Variants in APPL2 observed in about 807,000 individuals in gnomAD.
The protein encoded by APPL2 is DCC-interacting protein 13-beta.
Under a neutral mutation model 92.7 loss-of-function variants are expected in APPL2, and 84 were observed. The observed-to-expected ratio is 0.91, with a 90% confidence interval of 0.76 to 1.09. The LOEUF (loss-of-function observed/expected upper bound fraction) is 1.09. APPL2 is among the 50% of genes least tolerant of loss of function. The probability of loss-of-function intolerance (pLI) is 0.00; values close to 1 mark genes in which losing one functional copy is unlikely to be tolerated. For synonymous variants in APPL2, 291 were observed against 291.0 expected, an observed-to-expected ratio of 1.00 and a Z score of 0.00; for missense variants, 736 against 824.5, an observed-to-expected ratio of 0.89 and a Z score of 1.31.
intron 4 of APPL2, among the ~76,000 whole-genome samples, chr12:105,212,118 CAAAAAAAAAAAAA>C (rs5800657): frequency 1.4e-5 from 1 of 72,392 alleles, no homozygotes; most frequent in African/African-American, 5.6e-5. Context: ...GACTCCATCT[CAAAAAAAAAAAAA>C]AAAAAAAAGA....
intron 17 of APPL2, among the ~76,000 whole-genome samples, chr12:105,184,160 A>G (rs1886381893): frequency 6.6e-6 from 1 of 152,176 alleles, no homozygotes; most frequent in African/African-American, 2.4e-5. Context: ...CAGTTCCTAT[A>G]ACCTTTTATC....
At position 105,222,986 on chromosome 12, in the gene APPL2, T is replaced by C. The variant is rs1236067133; in HGVS notation, c.154-5261A>G. ...AGTGGCAGAGCAAGAGTGGAGGGTG[T>C]GCAAAAGGTCTGGCATGTTCTGGGA... On this transcript the variant is annotated intron_variant, in intron 2 of 20. Coordinates refer to ENST00000258530, the MANE Select transcript of APPL2 (RefSeq NM_018171.5). Among the ~76,000 whole-genome samples the C allele has an allele frequency of 2.0e-5, 3 of 152,108 alleles. No individual in the cohort carries two copies. In the South Asian group the frequency reaches 6.2e-4, roughly 32 times the overall value.
chr12:105,178,213 C>T (rs1350190177), intron 17 of APPL2, among the ~76,000 whole-genome samples: 1 of 152,068 alleles, frequency 6.6e-6, no homozygotes, highest in Non-Finnish European at 1.5e-5. Flanking sequence ...TAAATTTCTA[C>T]TGTATTGTAC....
chr12:105,205,507 G>C (rs1888623268), intron 8 of APPL2, among the ~76,000 whole-genome samples: 1 of 152,174 alleles, frequency 6.6e-6, no homozygotes, highest in African/African-American at 2.4e-5. Flanking sequence ...CAGTGAGGTA[G>C]TCCTTGGCCA....
Position 105,195,616 on chromosome 12 carries a change from AG to A in APPL2, c.1063del (p.Leu355SerfsTer16). ...ATTTTCCTTTCTGCTCTCAGCCTGG[AG>A]GATTATTCCCCTGAAACAAAAGTGT... ...TTPNGKSGII[L>X]QAESRKENEE... On this transcript the variant is annotated frameshift_variant, in exon 12 of 21. Transcript: ENST00000258530. LOFTEE classifies it high-confidence loss of function. 6.2e-7 allele frequency: 1 copy of A among 1,614,198 alleles called. No individual in the cohort carries two copies. The highest frequency in any genetic ancestry group is 8.5e-7 in the Non-Finnish European group (1 of 1,180,038).
rs745577754 is a variant in APPL2 at position 105,177,217 on chromosome 12, G to A, written c.1671+9C>T. On this transcript the variant is annotated intron_variant, in intron 18 of 20. Transcript: ENST00000258530. ...TAATCACTAACATGAACCTGTATGC[G>A]GTACTTACATTGGCCCTTGATACTT... 1.2e-5 allele frequency: 20 copies of A among 1,613,470 alleles called. No individual in the cohort carries two copies. Among genetic ancestry groups the A allele is most frequent in the South Asian group, 5.5e-5 (5 of 91,056 alleles).
At chr12:105,232,058 T>C (rs1262533869) in intron 1 of APPL2, among the ~76,000 whole-genome samples, 1 of 152,180 alleles carries the variant, frequency 6.6e-6, no homozygotes, top group Non-Finnish European at 1.5e-5. Context: ...ACAGCAATCA[T>C]TTATGGGGTT....
chr12:105,174,625 C>G (rs1317423203), intron 20 of APPL2, among the ~76,000 whole-genome samples, 177 bp from the exon 21 acceptor site: 1 of 152,180 alleles, frequency 6.6e-6, no homozygotes, highest in Non-Finnish European at 1.5e-5. Flanking sequence ...CTTCTAGAAT[C>G]TAGACTGTTT....
chr12:105,188,175 C>T (rs974721303), intron 17 of APPL2, 98 bp downstream of exon 17: 3 of 1,352,648 alleles, frequency 2.2e-6, no homozygotes, highest in Admixed American at 4.1e-5. Flanking sequence ...CAAGAGTAGT[C>T]TCTTCATTCC....
intron 9 of APPL2, among the ~76,000 whole-genome samples, chr12:105,200,567 C>T (rs1022116357): frequency 3.3e-5 from 5 of 152,142 alleles, no homozygotes; most frequent in African/African-American, 1.2e-4. Flanking sequence ...TGAGCTAGAC[C>T]GCACCAGGCC....
chr12:105,179,301 G>A (rs978692969), intron 17 of APPL2, among the ~76,000 whole-genome samples: 3 of 152,144 alleles, frequency 2.0e-5, no homozygotes, highest in African/African-American at 7.2e-5. Flanking sequence ...CCATGTCCCT[G>A]CAAAGGACAT....
Position 105,203,618 on chromosome 12 carries a change from A to G in APPL2, c.704+85T>C, listed in dbSNP as rs1284386237. ...AGGCTCTGTGCGACCCTCCACAGTT[A>G]GAACCCTCCCCGTGACCTCCCAGAG... On this transcript the variant is annotated intron_variant, in intron 9 of 20. Coordinates refer to ENST00000258530, the MANE Select transcript of APPL2 (RefSeq NM_018171.5). 1.0e-5 allele frequency: 13 copies of G among 1,301,622 alleles called. No homozygotes were observed. The Admixed American group carries it at 1.7e-4, about 17-fold the overall frequency. The allele number at this position is 1,301,622 out of a possible 1,614,324, so 80.6% of individuals were successfully genotyped here. A position where few individuals can be genotyped will look rare whatever the true frequency, so the allele number is the denominator to read the frequency against.
chr12:105,228,586 C>A (rs1031458272), intron 2 of APPL2, among the ~76,000 whole-genome samples: 2 of 152,174 alleles, frequency 1.3e-5, no homozygotes, highest in Admixed American at 6.5e-5. Context: ...TACATGGGCA[C>A]TTCTTGACAT....
intron 14 of APPL2, among the ~76,000 whole-genome samples, chr12:105,193,763 A>G (rs1159475966): frequency 6.6e-6 from 1 of 152,130 alleles, no homozygotes; most frequent in Non-Finnish European, 1.5e-5. Flanking sequence ...TCTGCTTCAC[A>G]GCTACTACTA....
rs553727890 is a variant in APPL2 at position 105,208,175 on chromosome 12, A to G, written c.398T>C (p.Phe133Ser). The change falls in exon 6 of 21, where the codon TTT (phenylalanine) becomes TCT (serine). Residue 133 changes from phenylalanine (F) to serine (S), a missense_variant. Coordinates refer to ENST00000258530, the MANE Select transcript of APPL2 (RefSeq NM_018171.5). ...GTGCCTACCATTGCTAGCGAGTCCA[A>G]ATAGATCCTTTAAAGTGCTTACTTC... ...LTEVSTLKDL[F>S]GLASNEHDLS... The G allele has an allele frequency of 6.2e-7, 1 of 1,614,220 alleles. No homozygotes were observed. The highest frequency in any genetic ancestry group is 8.5e-7 in the Non-Finnish European group (1 of 1,180,028).
chr12:105,196,804 A>T (rs1302905872), intron 11 of APPL2, among the ~76,000 whole-genome samples: 2 of 152,198 alleles, frequency 1.3e-5, no homozygotes, highest in African/African-American at 4.8e-5. Flanking sequence ...CATCTGTGGC[A>T]GATGGAGTAA....
chr12:105,185,996 T>G (rs1288658085), intron 17 of APPL2, among the ~76,000 whole-genome samples: 1 of 152,242 alleles, frequency 6.6e-6, no homozygotes, highest in Non-Finnish European at 1.5e-5. Context: ...ATTTGCCTAC[T>G]CTGGATATTT....
At position 105,189,841 on chromosome 12, in the gene APPL2, A is replaced by AGTT. The variant is rs1394036591; in HGVS notation, c.1407-20_1407-18dup. The AGTT allele has an allele frequency of 6.2e-7, 1 of 1,614,162 alleles. No homozygotes were observed. Among genetic ancestry groups the AGTT allele is most frequent in the Non-Finnish European group, 8.5e-7 (1 of 1,179,994 alleles). On this transcript the variant is annotated splice_polypyrimidine_tract_variant and intron_variant, in intron 15 of 20. Transcript: ENST00000258530. Reference sequence around the variant, plus strand: ...TTGGTACGCCTAGGGGAATAGCCAGAGTTGAACAAACACGACAGCTGCAGC... The same window carrying AGTT: ...TTGGTACGCCTAGGGGAATAGCCAGAGTTGTTGAACAAACACGACAGCTGCAGC...
intron 20 of APPL2, among the ~76,000 whole-genome samples, chr12:105,174,807 G>T (rs1405580406): frequency 6.9e-6 from 1 of 145,034 alleles, no homozygotes; most frequent in African/African-American, 2.6e-5. Context: ...CTAACCATTT[G>T]ATTTTTATTG....
Sources: allele counts gnomAD v4.1 joint callset (sites outside exome capture counted in the v4.1 genomes callset), GRCh38; gene constraint gnomAD v4.1.1; transcripts MANE v1.5; gene names NCBI Gene and HGNC (gene_info 2026-07-23, HGNC 2026-07-21).